ADGRL2: variants seen among roughly 807,000 people sequenced by gnomAD.
ADGRL2 encodes the protein adhesion G protein-coupled receptor L2.
A neutral mutation model predicts 157.4 loss-of-function variants in ADGRL2; 44 were observed. The ratio of observed to expected loss-of-function variants is 0.28; its 90% confidence interval spans 0.22 to 0.36. The LOEUF (loss-of-function observed/expected upper bound fraction) is 0.36. ADGRL2 is among the 10% of genes least tolerant of loss of function. The pLI is 1.00. For missense variants in ADGRL2, 1,510 were observed against 1,768.9 expected, an observed-to-expected ratio of 0.85 and a Z score of 2.63; for synonymous variants, 585 against 624.7, an observed-to-expected ratio of 0.94 and a Z score of 0.95.
At chr1:81,560,050 A>G (rs2080404969) in intron 2 of ADGRL2, among the ~76,000 whole-genome samples, 1 of 152,196 alleles carries the variant, frequency 6.6e-6, no homozygotes, top group Admixed American at 6.5e-5. Context: ...AAGAAGAGAT[A>G]CCTTTTTTTA....
rs145142789 is a variant in ADGRL2 at position 81,397,667 on chromosome 1, T to C, written c.-301-47369T>C. 1.5e-3 allele frequency among the ~76,000 whole-genome samples: 231 copies of C among 152,308 alleles called. 2 individuals are homozygous for C. The highest frequency in any genetic ancestry group is 2.0e-3 in the Non-Finnish European group (137 of 68,032). Reference sequence around the variant, plus strand: ...TCTGATTTTATTTATTTGGGTCTTTTCTTTTTTAGATAATTGTTATTATTT... The same window carrying C: ...TCTGATTTTATTTATTTGGGTCTTTCCTTTTTTAGATAATTGTTATTATTT... On this transcript the variant is annotated intron_variant, in intron 1 of 24. Coordinates refer to the ADGRL2 transcript ENST00000370721.
intron 2 of ADGRL2, among the ~76,000 whole-genome samples, chr1:81,854,107 T>G (rs1363663308): frequency 1.3e-5 from 2 of 152,206 alleles, no homozygotes; most frequent in Non-Finnish European, 2.9e-5. Context: ...TTTCTGTTTC[T>G]GTTTTCTAAT....
chr1:81,911,244 C>T (rs1202012893), intron 3 of ADGRL2, among the ~76,000 whole-genome samples: 1 of 151,952 alleles, frequency 6.6e-6, no homozygotes, highest in Admixed American at 6.6e-5. Context: ...AAATGAAATG[C>T]TTTCTTAAAA....
intron 1 of ADGRL2, among the ~76,000 whole-genome samples, chr1:81,739,545 A>G (rs2085006571): frequency 6.6e-6 from 1 of 152,182 alleles, no homozygotes; most frequent in South Asian, 2.1e-4. Flanking sequence ...GACATTATAT[A>G]AGCTACTCTA....
intron 1 of ADGRL2, among the ~76,000 whole-genome samples, chr1:81,802,008 C>G (rs1168490920): frequency 6.6e-6 from 1 of 151,240 alleles, no homozygotes; most frequent in Non-Finnish European, 1.5e-5. Flanking sequence ...GCTGGCTGCT[C>G]GGCTGGAGGC....
chr1:81,584,649 A>G (rs1271637676), intron 3 of ADGRL2, among the ~76,000 whole-genome samples: 1 of 152,132 alleles, frequency 6.6e-6, no homozygotes, highest in East Asian at 1.9e-4. Context: ...AAAGTGATGC[A>G]CTCCTATTTA....
intron 2 of ADGRL2, among the ~76,000 whole-genome samples, chr1:81,860,758 T>C (rs1037607127): frequency 7.2e-5 from 11 of 152,192 alleles, no homozygotes; most frequent in African/African-American, 2.7e-4. Context: ...AGGGGGCCAA[T>C]ATTTATGCTG....
intron 1 of ADGRL2, among the ~76,000 whole-genome samples, chr1:81,371,380 T>G (rs748980686): frequency 6.6e-6 from 1 of 152,148 alleles, no homozygotes; most frequent in Non-Finnish European, 1.5e-5. Context: ...GGGAGTAGGA[T>G]GATAAGGAAA....
At chr1:81,768,501 G>A (rs1444693993) in intron 2 of ADGRL2, among the ~76,000 whole-genome samples, 1 of 135,852 alleles carries the variant, frequency 7.4e-6, no homozygotes, top group East Asian at 2.4e-4. Flanking sequence ...TTGAGAGAAG[G>A]TTCACTGTAT....
At chr1:81,799,136 TG>T (rs2087743065), upstream of ADGRL2, among the ~76,000 whole-genome samples, 4 of 152,330 alleles carry the variant, frequency 2.6e-5, no homozygotes, top group Admixed American at 1.3e-4. Flanking sequence ...GATTTAATTT[TG>T]CTAGGTAGAT....
Position 81,943,222 on chromosome 1 carries a change from T to A in ADGRL2, c.663T>A (p.Gly221=). Residue 221 remains glycine, a synonymous_variant, in exon 6 of 24, where the codon GGT becomes GGA. Coordinates refer to ENST00000686636, the MANE Select transcript of ADGRL2 (RefSeq NM_001366006.2). The surrounding 1 kb of genome is among the most constrained non-coding windows in gnomAD (Gnocchi z 5.6). ...GTACTGGATTTGTGGTGTATGATGG[T>A]GCTGTCTTCTTTAACAAAGAAAGAA... ...VDGTGFVVYD[G]AVFFNKERTR... 6.2e-7 allele frequency: 1 copy of A among 1,613,636 alleles called. No homozygotes were observed. The highest frequency in any genetic ancestry group is 1.1e-5 in the South Asian group (1 of 91,074).
intron 2 of ADGRL2, among the ~76,000 whole-genome samples, chr1:81,844,098 T>C (rs2092699482): frequency 6.6e-6 from 1 of 152,164 alleles, no homozygotes; most frequent in Non-Finnish European, 1.5e-5. Flanking sequence ...GAAAAGACCA[T>C]ATCAAATATT....
intron 1 of ADGRL2, among the ~76,000 whole-genome samples, chr1:81,350,368 A>G (rs889429993): frequency 6.6e-6 from 1 of 152,212 alleles, no homozygotes; most frequent in Non-Finnish European, 1.5e-5. Flanking sequence ...TTTATGATTG[A>G]CACAATGAAC....
intron 1 of ADGRL2, among the ~76,000 whole-genome samples, chr1:81,344,067 G>T (rs1557612695): frequency 6.6e-6 from 1 of 151,658 alleles, no homozygotes; most frequent in Non-Finnish European, 1.5e-5. Context: ...ATATTACAAA[G>T]AAAAAAAAAT....
chr1:81,662,089 A>G (rs1406787118), intron 3 of ADGRL2, among the ~76,000 whole-genome samples: 1 of 152,150 alleles, frequency 6.6e-6, no homozygotes, highest in South Asian at 2.1e-4. Context: ...GTGCAGTGTG[A>G]AATAGCACAT....
At chr1:81,841,143 G>A (rs531196823) in intron 2 of ADGRL2, among the ~76,000 whole-genome samples, 1 of 152,228 alleles carries the variant, frequency 6.6e-6, no homozygotes, top group South Asian at 2.1e-4. Context: ...TATGTAATTA[G>A]ATTTTATTAG....
At chr1:81,532,409 C>CT (rs995986129) in intron 2 of ADGRL2, among the ~76,000 whole-genome samples, 9 of 151,868 alleles carry the variant, frequency 5.9e-5, no homozygotes, top group African/African-American at 1.7e-4. Context: ...CATACATTTT[C>CT]TTTTTTTTAA....
chr1:81,923,363 C>T (rs940304288), intron 3 of ADGRL2, among the ~76,000 whole-genome samples: 1 of 152,134 alleles, frequency 6.6e-6, no homozygotes, highest in African/African-American at 2.4e-5. Context: ...ATATATTTAT[C>T]AGTCAGGTGA....
At chr1:81,742,108 C>G (rs1029342869) in intron 1 of ADGRL2, among the ~76,000 whole-genome samples, 7 of 151,856 alleles carry the variant, frequency 4.6e-5, no homozygotes, top group African/African-American at 1.7e-4. Flanking sequence ...TTTGGAAATC[C>G]TGTTTTAGCT....
Sources: allele counts gnomAD v4.1 joint callset (sites outside exome capture counted in the v4.1 genomes callset), GRCh38; gene constraint gnomAD v4.1.1; non-coding constraint Gnocchi (gnomAD v3.1); transcripts MANE v1.5; gene names NCBI Gene and HGNC (gene_info 2026-07-23, HGNC 2026-07-21).